NRG3: variants seen among roughly 807,000 people sequenced by gnomAD.
The protein encoded by NRG3 is pro-neuregulin-3, membrane-bound isoform.
Under a neutral mutation model 66.9 loss-of-function variants are expected in NRG3, and 31 were observed. The ratio of observed to expected loss-of-function variants is 0.46; its 90% confidence interval spans 0.35 to 0.63. The LOEUF (loss-of-function observed/expected upper bound fraction) is 0.63. NRG3 is among the 20% of genes least tolerant of loss of function. The pLI, the probability that NRG3 is intolerant of heterozygous loss-of-function variation, is 0.00. For missense variants in NRG3, 910 were observed against 878.9 expected, an observed-to-expected ratio of 1.04 and a Z score of -0.45; for synonymous variants, 393 against 359.4, an observed-to-expected ratio of 1.09 and a Z score of -1.06.
intron 2 of NRG3, among the ~76,000 whole-genome samples, chr10:82,713,783 A>G (rs139709422): frequency 0.011 from 1,646 of 152,328 alleles, 30 homozygotes; most frequent in African/African-American, 0.038. Context: ...TTTCTTCACA[A>G]TGCTACCTCT....
chr10:82,365,245 A>G (rs79484540), intron 2 of NRG3, among the ~76,000 whole-genome samples: 6,622 of 152,260 alleles, frequency 0.043, 182 homozygotes, highest in Non-Finnish European at 0.067. Flanking sequence ...TTTGGCACAC[A>G]TCCCTGAATT....
chr10:82,023,391 A>G lies in NRG3; in HGVS notation c.823+147228A>G, dbSNP rs189433651. Among the ~76,000 whole-genome samples the G allele has an allele frequency of 1.5e-3, 224 of 152,090 alleles. 1 individual carries two copies. The highest frequency in any genetic ancestry group is 3.0e-3 in the Admixed American group (45 of 15,240). ...TGTGCTGGCTGGAACTTCTGGTGCTATGTTGAATAAAAGTGGTGATGGCAG... is the reference window on the plus strand; with the variant it reads ...TGTGCTGGCTGGAACTTCTGGTGCTGTGTTGAATAAAAGTGGTGATGGCAG... On this transcript the variant is annotated intron_variant, in intron 1 of 8. Coordinates refer to ENST00000372141, the MANE Select transcript of NRG3 (RefSeq NM_001010848.4).
chr10:82,901,293 G>A (rs1037141186), intron 4 of NRG3, among the ~76,000 whole-genome samples: 4 of 151,284 alleles, frequency 2.6e-5, no homozygotes, highest in African/African-American at 7.3e-5. Flanking sequence ...AATTTTTTTT[G>A]TCTTTAAAAT....
At chr10:82,816,023 G>A (rs1038246367) in intron 3 of NRG3, among the ~76,000 whole-genome samples, 26 of 152,212 alleles carry the variant, frequency 1.7e-4, no homozygotes, top group African/African-American at 3.9e-4. Context: ...GCATCTGGAC[G>A]AGAGGAACAT....
intron 3 of NRG3, among the ~76,000 whole-genome samples, chr10:82,834,975 A>T (rs886459772): frequency 5.3e-5 from 8 of 152,166 alleles, no homozygotes; most frequent in African/African-American, 1.7e-4. Context: ...GGAATTTTTT[A>T]AAAAATTTCT....
At chr10:82,112,398 G>A (rs1158879824) in intron 1 of NRG3, among the ~76,000 whole-genome samples, 3 of 152,072 alleles carry the variant, frequency 2.0e-5, no homozygotes, top group African/African-American at 7.2e-5. Context: ...TTTTTAGGAA[G>A]ATGAGGGAAC....
At chr10:82,458,482 A>G (rs185316913) in intron 2 of NRG3, among the ~76,000 whole-genome samples, 38 of 152,278 alleles carry the variant, frequency 2.5e-4, no homozygotes, top group Admixed American at 1.4e-3. Flanking sequence ...AGAAGAGCAT[A>G]AAGACACTGA....
chr10:82,499,840 C>T (rs1843985278), intron 2 of NRG3, among the ~76,000 whole-genome samples: 1 of 152,180 alleles, frequency 6.6e-6, no homozygotes, highest in South Asian at 2.1e-4. Flanking sequence ...TAAATTCTCA[C>T]TCCACGGTGT....
chr10:82,120,486 A>G (rs2068015848), intron 1 of NRG3, among the ~76,000 whole-genome samples: 1 of 152,186 alleles, frequency 6.6e-6, no homozygotes, highest in Admixed American at 6.6e-5. Context: ...TTATAATAGA[A>G]TGCTGAAATT....
chr10:81,955,148 T>C (rs1019680492), intron 1 of NRG3, among the ~76,000 whole-genome samples: 13 of 148,174 alleles, frequency 8.8e-5, no homozygotes, highest in Admixed American at 8.1e-4. Context: ...ATATATGTTA[T>C]ATAGAATATA....
At chr10:82,740,033 A>G (rs1479752609) in intron 3 of NRG3, among the ~76,000 whole-genome samples, 1 of 151,526 alleles carries the variant, frequency 6.6e-6, no homozygotes, top group East Asian at 1.9e-4. Flanking sequence ...TTCCTAATGT[A>G]TCTAGTTTTT....
rs182144717 is a variant in NRG3 at position 81,952,726 on chromosome 10, C to A, written c.823+76563C>A. 2.0e-5 allele frequency among the ~76,000 whole-genome samples: 3 copies of A among 152,162 alleles called. No homozygotes were observed. In the East Asian group the frequency reaches 5.8e-4, roughly 29 times the overall value. On this transcript the variant is annotated intron_variant, in intron 1 of 8. Coordinates refer to ENST00000372141, the MANE Select transcript of NRG3 (RefSeq NM_001010848.4). ...TTAAGCGATCCTTCCACCTCAGCCT[C>A]CTGAGTACTTGGGACTAAAGGTGTG... is the stretch of plus-strand genomic sequence containing the variant.
At chr10:82,001,980 C>T (rs2061189592) in intron 1 of NRG3, among the ~76,000 whole-genome samples, 1 of 152,136 alleles carries the variant, frequency 6.6e-6, no homozygotes, top group African/African-American at 2.4e-5. Flanking sequence ...ATTGCAAAAC[C>T]TCTTCATAAA....
At chr10:82,820,011 A>G (rs911433653) in intron 3 of NRG3, among the ~76,000 whole-genome samples, 1 of 152,240 alleles carries the variant, frequency 6.6e-6, no homozygotes, top group Admixed American at 6.5e-5. Context: ...CTCAGTGAAC[A>G]CAGATGGGTC....
intron 2 of NRG3, among the ~76,000 whole-genome samples, chr10:82,397,900 G>A (rs1012768337): frequency 1.3e-5 from 2 of 152,134 alleles, no homozygotes; most frequent in African/African-American, 2.4e-5. Flanking sequence ...GCAAAGAAAG[G>A]TCAAGGAAGA....
chr10:82,831,240 G>T (rs569629013), intron 3 of NRG3, among the ~76,000 whole-genome samples: 1 of 152,238 alleles, frequency 6.6e-6, no homozygotes, highest in South Asian at 2.1e-4. Context: ...TCCCTCAGCA[G>T]CCCTGAGCCA....
chr10:82,187,617 G>T (rs1307586031), intron 1 of NRG3, among the ~76,000 whole-genome samples: 3 of 152,084 alleles, frequency 2.0e-5, no homozygotes, highest in South Asian at 2.1e-4. Context: ...TTGCGGGGAA[G>T]AGGTTGAGAG....
At chr10:82,064,601 G>A (rs959451526) in intron 1 of NRG3, among the ~76,000 whole-genome samples, 6 of 152,180 alleles carry the variant, frequency 3.9e-5, no homozygotes, top group African/African-American at 7.2e-5. Flanking sequence ...AGCTATAGAC[G>A]GACGATCAAG....
rs1265495538 is a variant in NRG3 at position 82,424,884 on chromosome 10, T to TA, written c.953+66025dup. On this transcript the variant is annotated intron_variant, in intron 2 of 8. Transcript: ENST00000372141. ...TATCTAGTTGTCTCAGCAGTTTATTTAAAAAAAAATTCTTTCCTCCACTGA... is the reference window on the plus strand; with the variant it reads ...TATCTAGTTGTCTCAGCAGTTTATTTAAAAAAAAAATTCTTTCCTCCACTGA... Among the ~76,000 whole-genome samples the TA allele has an allele frequency of 1.2e-4, 18 of 151,474 alleles. No homozygotes were observed. In the South Asian group the frequency reaches 1.2e-3, roughly 10 times the overall value.
Sources: gnomAD v4.1 joint callset for allele counts (sites outside exome capture counted in the v4.1 genomes callset) on GRCh38, gnomAD v4.1.1 for gene constraint, MANE v1.5 for transcripts, NCBI Gene and HGNC (gene_info 2026-07-23, HGNC 2026-07-21) for gene names.